The following OR3A2 variants were observed in gnomAD, a reference collection of about 807,000 sequenced individuals.
OR3A2 encodes olfactory receptor family 3 subfamily A member 2, also known as olfactory receptor 3A2.
For synonymous variants in OR3A2, 126 were observed against 159.3 expected, an observed-to-expected ratio of 0.79 and a Z score of 1.57; for missense variants, 318 against 392.8, an observed-to-expected ratio of 0.81 and a Z score of 1.61.
At chr17:3,385,488 G>A (rs762626562) in intron 1 of OR3A2, among the ~76,000 whole-genome samples, 3 of 152,196 alleles carry the variant, frequency 2.0e-5, no homozygotes, top group Non-Finnish European at 2.9e-5. Flanking sequence ...TGGATAGATA[G>A]ATGATAGAGG....
intron 3 of OR3A2, among the ~76,000 whole-genome samples, chr17:3,334,055 A>G (rs918579187): frequency 2.0e-5 from 3 of 152,190 alleles, no homozygotes; most frequent in Non-Finnish European, 2.9e-5. Flanking sequence ...CACAATTAAG[A>G]TATCATCTCA....
intron 1 of OR3A2, among the ~76,000 whole-genome samples, chr17:3,283,500 C>T (rs562434343): frequency 1.3e-5 from 2 of 152,304 alleles, no homozygotes; most frequent in South Asian, 4.1e-4. Context: ...GCTGGGATTA[C>T]AGGCGTAAGT....
chr17:3,337,609 A>AT (rs1407284745), intron 2 of OR3A2, among the ~76,000 whole-genome samples: 1 of 151,992 alleles, frequency 6.6e-6, no homozygotes, highest in Non-Finnish European at 1.5e-5. Flanking sequence ...TGAACTCATC[A>AT]TTTTTTATGG....
At chr17:3,364,925 A>G (rs1320730792) in intron 2 of OR3A2, among the ~76,000 whole-genome samples, 1 of 152,214 alleles carries the variant, frequency 6.6e-6, no homozygotes, top group Admixed American at 6.5e-5. Flanking sequence ...GTAAAAAAAA[A>G]AAAGCAATTA....
intron 1 of OR3A2, among the ~76,000 whole-genome samples, chr17:3,280,422 C>A (rs1052068333): frequency 1.3e-5 from 2 of 151,954 alleles, no homozygotes; most frequent in East Asian, 1.9e-4. Context: ...CAGGCGCCCA[C>A]CACCACGCCC....
chr17:3,377,663 G>A (rs1280220176), intron 2 of OR3A2: 1 of 152,482 alleles, frequency 6.6e-6, no homozygotes, highest in Admixed American at 6.5e-5. Flanking sequence ...ACACCAAGGT[G>A]AGGGCTGCAG....
intron 3 of OR3A2, among the ~76,000 whole-genome samples, chr17:3,333,886 A>G (rs1291552313): frequency 6.6e-6 from 1 of 152,208 alleles, no homozygotes; most frequent in East Asian, 1.9e-4. Context: ...AGAGTCTACA[A>G]GGAACTTAAA....
upstream of OR3A2, among the ~76,000 whole-genome samples, chr17:3,287,037 T>TA (rs560617362): frequency 9.4e-4 from 143 of 152,340 alleles, 1 homozygote; most frequent in African/African-American, 3.3e-3. Flanking sequence ...CTAGGGTTTT[T>TA]ATGGTTTTAG....
At chr17:3,337,598 A>G (rs1057288615) in intron 2 of OR3A2, among the ~76,000 whole-genome samples, 11 of 152,202 alleles carry the variant, frequency 7.2e-5, no homozygotes, top group African/African-American at 2.4e-4. Flanking sequence ...TACAAAGGAC[A>G]TGAACTCATC....
chr17:3,336,411 A>G (rs538742827), intron 2 of OR3A2, among the ~76,000 whole-genome samples: 19 of 152,350 alleles, frequency 1.2e-4, no homozygotes, highest in African/African-American at 3.4e-4. Context: ...ATTTTCATAC[A>G]TATTTTGACA....
intron 2 of OR3A2, among the ~76,000 whole-genome samples, chr17:3,339,552 T>C (rs1399599814): frequency 6.6e-6 from 1 of 152,224 alleles, no homozygotes; most frequent in African/African-American, 2.4e-5. Flanking sequence ...TTGTCTTTGA[T>C]TCTGTTTATG....
intron 3 of OR3A2, among the ~76,000 whole-genome samples, chr17:3,323,268 G>C (rs985590801): frequency 6.6e-6 from 1 of 152,076 alleles, no homozygotes; most frequent in Non-Finnish European, 1.5e-5. Context: ...GTCTCTGCAC[G>C]TGAGATGGGT....
chr17:3,351,567 T>C (rs1170648316), intron 2 of OR3A2, among the ~76,000 whole-genome samples: 3 of 126,194 alleles, frequency 2.4e-5, no homozygotes, highest in Non-Finnish European at 5.0e-5. Flanking sequence ...TCCATGCTCA[T>C]GGGTAGGAAG....
chr17:3,288,582 A>G (rs926264818), upstream of OR3A2, among the ~76,000 whole-genome samples: 4 of 152,232 alleles, frequency 2.6e-5, no homozygotes, highest in Admixed American at 6.5e-5. Context: ...CACACCCATA[A>G]TCAAAGAAAT....
At chr17:3,357,294 T>C (rs910301330) in intron 2 of OR3A2, among the ~76,000 whole-genome samples, 1 of 151,670 alleles carries the variant, frequency 6.6e-6, no homozygotes, top group Admixed American at 6.6e-5. Flanking sequence ...CAGAATCTCA[T>C]GAGTGTCGTC....
intron 2 of OR3A2, among the ~76,000 whole-genome samples, chr17:3,349,519 C>A (rs1224285755): frequency 2.0e-5 from 3 of 152,104 alleles, no homozygotes; most frequent in Non-Finnish European, 4.4e-5. Context: ...CAGGAGCACC[C>A]AAATTCATAC....
At chr17:3,292,534 G>A in intron 3 of OR3A2, 1 of 1,614,004 alleles carries the variant, frequency 6.2e-7, no homozygotes, top group South Asian at 1.1e-5. Flanking sequence ...AAGCCCAGCA[G>A]GATGAACTCA....
chr17:3,344,835 C>G (rs1252132936), intron 2 of OR3A2, among the ~76,000 whole-genome samples: 1 of 152,136 alleles, frequency 6.6e-6, no homozygotes, highest in East Asian at 1.9e-4. Flanking sequence ...AATCCTAGGC[C>G]TCATGCTGAG....
At chr17:3,341,455 C>A (rs1033636344) in intron 2 of OR3A2, among the ~76,000 whole-genome samples, 1 of 152,048 alleles carries the variant, frequency 6.6e-6, no homozygotes, top group Non-Finnish European at 1.5e-5. Flanking sequence ...GTTAGGCAGG[C>A]CTGGTGGTGA....
Sources: gnomAD v4.1 joint callset for allele counts (sites outside exome capture counted in the v4.1 genomes callset) on GRCh38, gnomAD v4.1.1 for gene constraint, MANE v1.5 for transcripts, NCBI Gene and HGNC (gene_info 2026-07-23, HGNC 2026-07-21) for gene names.